PPFIBP2: variants seen among roughly 807,000 people sequenced by gnomAD.
PPFIBP2 encodes PPFIB scaffold protein 2.
PPFIBP2 carries 118 observed loss-of-function variants against 118.3 expected under a neutral mutation model. The observed-to-expected ratio is 1.00, with a 90% CI of 0.86 to 1.16. The LOEUF (loss-of-function observed/expected upper bound fraction) is 1.16. Among genes scored for constraint, PPFIBP2 ranks in the 50% most tolerant of loss-of-function variants. The pLI is 0.00. For synonymous variants in PPFIBP2, 414 were observed against 397.4 expected (o/e 1.04, Z -0.50); for missense variants, 1,195 against 1,073.1 (o/e 1.11, Z -1.59).
the PPFIBP2 span, chr11:7,666,848 C>CTTTCTT: frequency 7.2e-6 from 2 of 277,726 alleles, no homozygotes; most frequent in Non-Finnish European, 1.4e-5. Context: ...AGGATGGCTT[C>CTTTCTT]ACTCGGAGCT....
intron 4 of PPFIBP2, among the ~76,000 whole-genome samples, chr11:7,594,480 C>T (rs186429162): frequency 6.6e-6 from 1 of 152,342 alleles, no homozygotes; most frequent in African/African-American, 2.4e-5. Flanking sequence ...GTGGATCTTC[C>T]ATTTGAAAGA....
chr11:7,605,994 G>A (rs1162885372), intron 5 of PPFIBP2: 1 of 1,535,414 alleles, frequency 6.5e-7, no homozygotes, highest in Admixed American at 2.0e-5. Flanking sequence ...GGAAGCTATT[G>A]AGGAGACGGA....
intron 3 of PPFIBP2, among the ~76,000 whole-genome samples, chr11:7,584,923 C>T (rs953077130): frequency 2.0e-5 from 3 of 152,098 alleles, no homozygotes; most frequent in Non-Finnish European, 2.9e-5. Context: ...TTGATAAGAT[C>T]CTCTTGACTA....
intron 17 of PPFIBP2, among the ~76,000 whole-genome samples, chr11:7,643,073 T>C (rs1331639563): frequency 6.6e-6 from 1 of 152,186 alleles, no homozygotes; most frequent in East Asian, 1.9e-4. Context: ...GACCATTAGC[T>C]TTTAGAGGCT....
intron 3 of PPFIBP2, among the ~76,000 whole-genome samples, chr11:7,581,203 C>T (rs1456309304): frequency 1.3e-5 from 2 of 152,240 alleles, no homozygotes; most frequent in Non-Finnish European, 2.9e-5. Context: ...TCACAAACAG[C>T]TCACACCTGT....
At chr11:7,612,388 C>T (rs757409413) in intron 6 of PPFIBP2, among the ~76,000 whole-genome samples, 20 of 152,122 alleles carry the variant, frequency 1.3e-4, no homozygotes, top group South Asian at 2.1e-4. Context: ...CACCAGTCAC[C>T]GCAGGGATCT....
intron 18 of PPFIBP2, 92 bp from the exon 19 acceptor site, chr11:7,648,708 A>G (rs1038560424): frequency 1.4e-6 from 2 of 1,431,210 alleles, no homozygotes; most frequent in Non-Finnish European, 2.0e-6. Flanking sequence ...ATACACTGCC[A>G]TACTCAGAGC....
chr11:7,602,476 A>G (rs1277317511), intron 5 of PPFIBP2, among the ~76,000 whole-genome samples: 1 of 152,140 alleles, frequency 6.6e-6, no homozygotes, highest in Admixed American at 6.5e-5. Flanking sequence ...TTCCTGCACA[A>G]TAAGCTCCTC....
At chr11:7,624,493 G>T (rs78498074) in intron 7 of PPFIBP2, among the ~76,000 whole-genome samples, 4,494 of 152,278 alleles carry the variant, frequency 0.03, 232 homozygotes, top group African/African-American at 0.1. Flanking sequence ...CTTGGGGTTG[G>T]TCAGATATTA....
the PPFIBP2 span, chr11:7,665,268 A>G: frequency 2.0e-6 from 2 of 1,005,222 alleles, no homozygotes; most frequent in South Asian, 1.8e-5. Context: ...GCGCGAAGGT[A>G]CATGGCAAGG....
chr11:7,647,875 T>C (rs1436902358), intron 17 of PPFIBP2, among the ~76,000 whole-genome samples: 1 of 152,228 alleles, frequency 6.6e-6, no homozygotes, highest in African/African-American at 2.4e-5. Flanking sequence ...AATGTGAATG[T>C]TCCTCCTGTT....
intron 3 of PPFIBP2, among the ~76,000 whole-genome samples, chr11:7,582,343 A>G (rs951571401): frequency 4.6e-5 from 7 of 152,086 alleles, no homozygotes; most frequent in Non-Finnish European, 2.9e-5. Flanking sequence ...ATTTCCTATG[A>G]TACCTCCTAT....
intron 2 of PPFIBP2, among the ~76,000 whole-genome samples, chr11:7,552,370 C>A (rs1853092422): frequency 6.6e-6 from 1 of 152,182 alleles, no homozygotes; most frequent in Non-Finnish European, 1.5e-5. Context: ...CATGTTGAAT[C>A]TTTTCTGGGG....
At chr11:7,569,649 A>G (rs752411552) in intron 3 of PPFIBP2, among the ~76,000 whole-genome samples, 1 of 152,166 alleles carries the variant, frequency 6.6e-6, no homozygotes, top group South Asian at 2.1e-4. Context: ...CTGCAGAGGA[A>G]GCATCAGGGA....
At chr11:7,533,012 A>G (rs765262075) in intron 1 of PPFIBP2, among the ~76,000 whole-genome samples, 1 of 146,030 alleles carries the variant, frequency 6.8e-6, no homozygotes, top group African/African-American at 2.6e-5. Context: ...GCTAATAGAG[A>G]AAACTTACCA....
At chr11:7,646,407 G>T (rs1037556547) in intron 17 of PPFIBP2, among the ~76,000 whole-genome samples, 1 of 152,220 alleles carries the variant, frequency 6.6e-6, no homozygotes, top group Admixed American at 6.5e-5. Flanking sequence ...GTTATAAATT[G>T]TGAAGATAAA....
chr11:7,539,333 AG>A (rs1328643311), intron 1 of PPFIBP2: 3 of 152,384 alleles, frequency 2.0e-5, no homozygotes, highest in African/African-American at 7.2e-5. Context: ...ATATAAAGCC[AG>A]TGTCTGTGGG....
intron 8 of PPFIBP2, among the ~76,000 whole-genome samples, chr11:7,626,280 T>A (rs1849995148): frequency 6.6e-6 from 1 of 152,238 alleles, no homozygotes; most frequent in African/African-American, 2.4e-5. Flanking sequence ...ATTTACTCAG[T>A]CATTTCATGG....
At chr11:7,550,858 C>T (rs898715409) in intron 2 of PPFIBP2, among the ~76,000 whole-genome samples, 3 of 152,122 alleles carry the variant, frequency 2.0e-5, no homozygotes, top group African/African-American at 7.2e-5. Flanking sequence ...CTAGCTTAGC[C>T]TCCCAGCCTA....
Sources: gnomAD v4.1 joint callset for allele counts (sites outside exome capture counted in the v4.1 genomes callset) on GRCh38, gnomAD v4.1.1 for gene constraint, MANE v1.5 for transcripts, NCBI Gene and HGNC (gene_info 2026-07-23, HGNC 2026-07-21) for gene names.